The following SLC2A13 variants were observed in gnomAD, a reference collection of about 807,000 sequenced individuals.
SLC2A13 encodes proton myo-inositol cotransporter.
Under a neutral mutation model 64.4 loss-of-function variants are expected in SLC2A13, and 32 were observed. The ratio of observed to expected loss-of-function variants is 0.50; its 90% CI spans 0.37 to 0.67. The LOEUF (loss-of-function observed/expected upper bound fraction) is 0.67. SLC2A13 is among the 30% of genes least tolerant of loss of function. The probability of loss-of-function intolerance (pLI) is 0.00; values close to 1 mark genes in which losing one functional copy is unlikely to be tolerated. For synonymous variants in SLC2A13, 338 were observed against 327.1 expected, an observed-to-expected ratio of 1.03 and a Z score of -0.36; for missense variants, 743 against 829.2, an observed-to-expected ratio of 0.90 and a Z score of 1.28.
intron 3 of SLC2A13, among the ~76,000 whole-genome samples, chr12:40,002,455 A>G (rs967123042): frequency 6.6e-6 from 1 of 152,258 alleles, no homozygotes; most frequent in Non-Finnish European, 1.5e-5. Flanking sequence ...AACTGAAAAC[A>G]GACTGAAAGA....
At chr12:39,994,127 C>A (rs536728050) in intron 3 of SLC2A13, among the ~76,000 whole-genome samples, 1 of 152,110 alleles carries the variant, frequency 6.6e-6, no homozygotes. Context: ...CGGTGGCTCA[C>A]GCCTGTAATC....
At chr12:39,761,606 C>T (rs993270962) in intron 9 of SLC2A13, among the ~76,000 whole-genome samples, 3 of 126,222 alleles carry the variant, frequency 2.4e-5, no homozygotes, top group Non-Finnish European at 4.9e-5. Context: ...GATAAGCTAG[C>T]TCTTGGAGAA....
intron 1 of SLC2A13, among the ~76,000 whole-genome samples, chr12:40,075,705 T>C (rs1476669182): frequency 1.3e-5 from 2 of 152,194 alleles, no homozygotes; most frequent in Non-Finnish European, 2.9e-5. Context: ...TATTTGTTTT[T>C]CCTCTTCTGG....
intron 1 of SLC2A13, among the ~76,000 whole-genome samples, chr12:40,067,800 C>T (rs534573250): frequency 2.2e-4 from 34 of 152,304 alleles, no homozygotes; most frequent in African/African-American, 7.5e-4. Flanking sequence ...TTATATTAGT[C>T]AAAGAATATT....
intron 3 of SLC2A13, among the ~76,000 whole-genome samples, 197 bp downstream of exon 3, chr12:40,028,104 A>G (rs780232197): frequency 7.9e-5 from 12 of 152,086 alleles, no homozygotes; most frequent in Non-Finnish European, 1.6e-4. Flanking sequence ...ACAGTTCAAT[A>G]GCTTTTAAAT....
Position 39,892,052 on chromosome 12 carries a change from A to G in SLC2A13, c.1035-20091T>C, listed in dbSNP as rs911248541. Among the ~76,000 whole-genome samples the G allele has an allele frequency of 2.6e-5, 4 of 152,338 alleles. No individual in the cohort carries two copies. The Middle Eastern group carries it at 0.01, about 389-fold the overall frequency. On this transcript the variant is annotated intron_variant, in intron 4 of 9. Transcript: ENST00000280871. ...TCCTATAAAGAAGAGAAGATCTATT[A>G]GGTAATTTCTGGCCTTAAAAGTTTG...
intron 7 of SLC2A13, among the ~76,000 whole-genome samples, chr12:39,824,941 T>C (rs1942628663): frequency 6.6e-6 from 1 of 152,152 alleles, no homozygotes; most frequent in African/African-American, 2.4e-5. Flanking sequence ...GAAATTATAA[T>C]AGATATTAGG....
intron 4 of SLC2A13, among the ~76,000 whole-genome samples, chr12:39,896,681 T>G (rs1251909067): frequency 6.6e-6 from 1 of 151,830 alleles, no homozygotes; most frequent in Admixed American, 6.6e-5. Context: ...AATATTAATA[T>G]CCCTCGTTAT....
At chr12:40,067,202 CTTAT>C (rs1008730053) in intron 1 of SLC2A13, among the ~76,000 whole-genome samples, 18 of 152,014 alleles carry the variant, frequency 1.2e-4, no homozygotes, top group East Asian at 3.9e-4. Context: ...TATATAAATT[CTTAT>C]TTATTTATTT....
chr12:40,068,740 T>C (rs1389941652), intron 1 of SLC2A13: 1 of 148,660 alleles, frequency 6.7e-6, no homozygotes, highest in African/African-American at 2.5e-5. Flanking sequence ...AATTTTCCCA[T>C]AAATTTAAAA....
intron 1 of SLC2A13, among the ~76,000 whole-genome samples, chr12:40,050,361 ATTT>A (rs891952631): frequency 2.8e-4 from 43 of 152,290 alleles, no homozygotes; most frequent in Middle Eastern, 3.4e-3. Flanking sequence ...AAACACATAG[ATTT>A]TACTTGACAG....
intron 6 of SLC2A13, chr12:39,830,623 C>T (rs1942825986): frequency 3.6e-6 from 1 of 280,228 alleles, no homozygotes; most frequent in East Asian, 1.6e-4. Flanking sequence ...ATTCATTTCT[C>T]TCAATTGTCT....
chr12:39,896,025 T>C (rs1251266466), intron 4 of SLC2A13, among the ~76,000 whole-genome samples: 2 of 140,500 alleles, frequency 1.4e-5, no homozygotes, highest in Non-Finnish European at 3.1e-5. Flanking sequence ...TATGTATACA[T>C]ACATGCATAT....
intron 4 of SLC2A13, among the ~76,000 whole-genome samples, chr12:39,884,909 A>C (rs893562876): frequency 6.6e-6 from 1 of 152,220 alleles, no homozygotes; most frequent in African/African-American, 2.4e-5. Context: ...AGGATCATAC[A>C]TGGGGAGAAC....
chr12:40,035,903 C>T (rs1301479082), intron 2 of SLC2A13, among the ~76,000 whole-genome samples: 6 of 152,182 alleles, frequency 3.9e-5, no homozygotes, highest in African/African-American at 2.4e-5. Context: ...GCATTTTGCA[C>T]AAATATTAAG....
chr12:39,981,566 G>A (rs1488257559), intron 3 of SLC2A13, among the ~76,000 whole-genome samples: 1 of 149,518 alleles, frequency 6.7e-6, no homozygotes, highest in Non-Finnish European at 1.5e-5. Context: ...AAATAAACTA[G>A]AAAATCTAGA....
At chr12:39,788,635 G>T (rs1387912442) in intron 7 of SLC2A13, 1 of 152,160 alleles carries the variant, frequency 6.6e-6, no homozygotes, top group Non-Finnish European at 1.5e-5. Context: ...GAGGACTACA[G>T]TACATCAAAT....
rs533512198 is a variant in SLC2A13, at chr12:39,993,016, C to T, written c.925+35285G>A. On this transcript the variant is annotated intron_variant, in intron 3 of 9. Coordinates refer to ENST00000280871, the MANE Select transcript of SLC2A13 (RefSeq NM_052885.4). ...ATATGAGTACAGTTACATATACATA[C>T]ATATACATGTAATATATTTAAAGTT... Among the ~76,000 whole-genome samples, 12 of 152,218 alleles carry T rather than the reference C, an allele frequency of 7.9e-5. 1 individual carries two copies. The South Asian group carries it at 1.7e-3, about 21-fold the overall frequency.
intron 2 of SLC2A13, among the ~76,000 whole-genome samples, chr12:40,038,297 T>C (rs980562069): frequency 6.6e-6 from 1 of 152,248 alleles, no homozygotes; most frequent in Admixed American, 6.5e-5. Flanking sequence ...TTGCAGCTTT[T>C]TCTGGCTATC....
Sources: gnomAD v4.1 joint callset for allele counts (sites outside exome capture counted in the v4.1 genomes callset) on GRCh38, gnomAD v4.1.1 for gene constraint, MANE v1.5 for transcripts, NCBI Gene and HGNC (gene_info 2026-07-23, HGNC 2026-07-21) for gene names.